Variants in CCDC7 observed in about 807,000 individuals in gnomAD.
The protein encoded by CCDC7 is coiled-coil domain-containing protein 7.
In CCDC7, 183 loss-of-function variants were observed where a neutral mutation model predicts 196.9. That is an observed-to-expected ratio of 0.93 (90% CI 0.82 to 1.05). CCDC7 has a LOEUF of 1.05. Among genes scored for constraint, CCDC7 ranks in the 50% least tolerant of loss-of-function variants. The pLI, the probability that CCDC7 is intolerant of heterozygous loss-of-function variation, is 0.00. For synonymous variants in CCDC7, 525 were observed against 484.6 expected, an observed-to-expected ratio of 1.08 and a Z score of -1.10; for missense variants, 1,540 against 1,482.2, an observed-to-expected ratio of 1.04 and a Z score of -0.64.
chr10:32,547,425 C>A (rs2052654916), intron 13 of CCDC7, among the ~76,000 whole-genome samples: 1 of 151,922 alleles, frequency 6.6e-6, no homozygotes, highest in Non-Finnish European at 1.5e-5. Flanking sequence ...TATAATGAAC[C>A]TAATAAAGGG....
Position 32,636,588 on chromosome 10 carries a change from A to G in CCDC7, c.2014+1430A>G, listed in dbSNP as rs542215430. Among the ~76,000 whole-genome samples the G allele has an allele frequency of 1.2e-4, 19 of 152,336 alleles. 2 individuals carry two copies. In the South Asian group the frequency reaches 2.7e-3, roughly 22 times the overall value. ...CTTTTTTATGGCTGCATAGTATTCC[A>G]TGATGTATATGTGCCACATTTTCTT... On this transcript the variant is annotated intron_variant, in intron 20 of 41. Coordinates refer to ENST00000639629, the Ensembl canonical transcript of CCDC7.
intron 20 of CCDC7, among the ~76,000 whole-genome samples, chr10:32,641,254 C>T (rs1416986712): frequency 1.3e-5 from 2 of 152,222 alleles, no homozygotes; most frequent in Non-Finnish European, 2.9e-5. Flanking sequence ...TGTTTTCCAG[C>T]TTGGTTCTAT....
chr10:32,671,807 AGAGTTGT>A (rs2074110417), intron 21 of CCDC7, among the ~76,000 whole-genome samples: 1 of 152,022 alleles, frequency 6.6e-6, no homozygotes, highest in East Asian at 1.9e-4. Context: ...CATGAGATTG[AGAGTTGT>A]GTCACCTTTG....
At chr10:32,498,259 C>T (rs1027830280) in intron 9 of CCDC7, among the ~76,000 whole-genome samples, 2 of 152,076 alleles carry the variant, frequency 1.3e-5, no homozygotes, top group African/African-American at 4.8e-5. Flanking sequence ...TTCCTCCATC[C>T]CTTTATTTTG....
chr10:32,515,243 G>A (rs2046840648), intron 9 of CCDC7, among the ~76,000 whole-genome samples: 1 of 152,198 alleles, frequency 6.6e-6, no homozygotes, highest in Non-Finnish European at 1.5e-5. Context: ...AACTCATGTG[G>A]AAGTGCAAGG....
intron 20 of CCDC7, among the ~76,000 whole-genome samples, chr10:32,638,910 C>A (rs2066180563): frequency 2.6e-5 from 4 of 152,190 alleles, no homozygotes; most frequent in Admixed American, 1.3e-4. Context: ...ATTTCAGAGC[C>A]TGTTATTGGT....
In CCDC7 at chr10:32,773,989, G is replaced by A. The variant is rs1198097478; in HGVS notation, c.2906-4988G>A. Among the ~76,000 whole-genome samples the A allele has an allele frequency of 2.0e-5, 3 of 152,276 alleles. No homozygotes were observed. In the East Asian group the frequency reaches 5.8e-4, roughly 29 times the overall value. On this transcript the variant is annotated intron_variant, in intron 28 of 41. Transcript: ENST00000639629. ...AACTTAAACACTGCTCTAGAACTAT[G>A]TTGCTGCCCTGCCATTGTTCTTCAA...
intron 24 of CCDC7, among the ~76,000 whole-genome samples, chr10:32,709,628 T>C (rs895692687): frequency 6.6e-6 from 1 of 152,070 alleles, no homozygotes; most frequent in Non-Finnish European, 1.5e-5. Flanking sequence ...TGGGGAGCAG[T>C]TGAAAATACA....
intron 30 of CCDC7, among the ~76,000 whole-genome samples, chr10:32,807,996 T>A (rs970827687): frequency 6.6e-6 from 1 of 152,050 alleles, no homozygotes; most frequent in African/African-American, 2.4e-5. Flanking sequence ...TCCCCCTGCA[T>A]CTATGCAGTG....
In CCDC7 at chr10:32,728,983, T is replaced by A. The variant is rs150581470; in HGVS notation, c.2765T>A (p.Val922Glu). The stretch of plus-strand genomic sequence containing the variant: ...GAAAAGAAACAAATAAATTCTGGAG[T>A]GGAAAGACACAAGAGTGAGTATAAT... The change falls in exon 27 of 42, where the codon GTG becomes GAG. Residue 922 changes from valine to glutamate, a missense_variant. Val to Glu is a moderately radical substitution (Grantham distance 121). Transcript: ENST00000639629. The A allele has an allele frequency of 1.8e-4, 284 of 1,587,994 alleles. 2 individuals carry two copies. The African/African-American group carries it at 3.4e-3, about 19-fold the overall frequency.
chr10:32,742,294 C>T (rs959827290), intron 28 of CCDC7, among the ~76,000 whole-genome samples: 1 of 152,176 alleles, frequency 6.6e-6, no homozygotes, highest in African/African-American at 2.4e-5. Flanking sequence ...CAGCATCCTG[C>T]ACCAGAGTAA....
At chr10:32,481,283 A>G (rs2039917366) in intron 8 of CCDC7, among the ~76,000 whole-genome samples, 1 of 152,126 alleles carries the variant, frequency 6.6e-6, no homozygotes, top group Non-Finnish European at 1.5e-5. Flanking sequence ...GAATTGAATA[A>G]TTTGATCCAT....
chr10:32,787,579 G>A (rs2082065933), intron 29 of CCDC7, among the ~76,000 whole-genome samples: 2 of 152,178 alleles, frequency 1.3e-5, no homozygotes, highest in Admixed American at 1.3e-4. Flanking sequence ...GGTTAAATGA[G>A]CACTGGACTT....
chr10:32,462,948 T>C (rs2036035694), intron 4 of CCDC7, 69 bp from the exon 6 acceptor site: 1 of 1,592,900 alleles, frequency 6.3e-7, no homozygotes. Flanking sequence ...TTTATATAGA[T>C]ATTTATTTCA....
chr10:32,565,605 G>GA lies in CCDC7; in HGVS notation c.1185dup (p.Gln396ThrfsTer7), dbSNP rs748216508. The GA allele has an allele frequency of 6.2e-7, 1 of 1,609,290 alleles. No individual in the cohort carries two copies. The highest frequency in any genetic ancestry group is 1.1e-5 in the South Asian group (1 of 90,264). On this transcript the variant is annotated frameshift_variant, in exon 14 of 42. Coordinates refer to ENST00000639629, the Ensembl canonical transcript of CCDC7. LOFTEE classifies it high-confidence loss of function. ...AGAACAAAGTCCTTCAGGAGCAATT[G>GA]AAACAGGCTTTACAGGTAAAGGATG...
chr10:32,688,831 A>G (rs186906070), intron 22 of CCDC7, among the ~76,000 whole-genome samples: 6 of 152,328 alleles, frequency 3.9e-5, no homozygotes, highest in Non-Finnish European at 5.9e-5. Context: ...CTAAGATAAA[A>G]CATATTCAAA....
At chr10:32,679,096 A>G (rs2075467434) in intron 21 of CCDC7, among the ~76,000 whole-genome samples, 2 of 152,120 alleles carry the variant, frequency 1.3e-5, no homozygotes, top group Admixed American at 1.3e-4. Context: ...AAGCATGTAT[A>G]CTCTAAGATA....
rs1174320682 is a variant in CCDC7, at chr10:32,740,294, A to G, written c.2905+10837A>G. Among the ~76,000 whole-genome samples, 3 of 152,282 alleles carry G rather than the reference A, an allele frequency of 2.0e-5. No individual in the cohort carries two copies. In the East Asian group the frequency reaches 5.8e-4, roughly 29 times the overall value. On this transcript the variant is annotated intron_variant, in intron 28 of 41. Coordinates refer to ENST00000639629, the Ensembl canonical transcript of CCDC7. ...CTTTTGTTAAGAACAGAAAGGTCTG[A>G]ATGTGATTTAAAATGATTTCTTTAA...
At chr10:32,473,534 G>A (rs1290766970) in intron 7 of CCDC7, among the ~76,000 whole-genome samples, 1 of 152,130 alleles carries the variant, frequency 6.6e-6, no homozygotes, top group Non-Finnish European at 1.5e-5. Context: ...CACTGTAGAA[G>A]CTAGATTTGG....
Sources: allele counts gnomAD v4.1 joint callset (sites outside exome capture counted in the v4.1 genomes callset), GRCh38; gene constraint gnomAD v4.1.1; transcripts MANE v1.5; gene names NCBI Gene and HGNC (gene_info 2026-07-23, HGNC 2026-07-21).